The following ABLIM2 variants were observed in gnomAD, a reference collection of about 807,000 sequenced individuals.
ABLIM2 encodes the protein actin-binding LIM protein 2.
Under a neutral mutation model 97.7 loss-of-function variants are expected in ABLIM2, and 53 were observed. The ratio of observed to expected loss-of-function variants is 0.54; its 90% CI spans 0.44 to 0.68. The LOEUF (loss-of-function observed/expected upper bound fraction) is 0.68, where lower values mean the gene tolerates loss of function less well. ABLIM2 is among the 30% of genes least tolerant of loss of function. The pLI is 0.00. For missense variants in ABLIM2, 835 were observed against 867.2 expected (o/e 0.96, Z 0.47); for synonymous variants, 361 against 345.8 (o/e 1.04, Z -0.49).
At position 8,021,148 on chromosome 4, in the gene ABLIM2, A is replaced by C. The variant is rs192097374; in HGVS notation, c.1268-845T>G. 6.6e-6 allele frequency among the ~76,000 whole-genome samples: 1 copy of C among 152,126 alleles called. No individual in the cohort carries two copies. Among genetic ancestry groups the C allele is most frequent in the African/African-American group, 2.4e-5 (1 of 41,494 alleles). On this transcript the variant is annotated intron_variant, in intron 12 of 20. Transcript: ENST00000447017. This position sits in a 1 kb window ranked among gnomAD's most constrained non-coding sequence, Gnocchi z 5.5. The stretch of plus-strand genomic sequence containing the variant: ...TGGGATTACAGGCATGAGCCACCGC[A>C]CCCTGGCCACATTCTTAAATACAAC...
At chr4:8,115,771 GTGGACC>G (rs1842523843) in intron 1 of ABLIM2, among the ~76,000 whole-genome samples, 1 of 152,164 alleles carries the variant, frequency 6.6e-6, no homozygotes, top group Non-Finnish European at 1.5e-5. Flanking sequence ...TTGAACCTGG[GTGGACC>G]TCTGCAACTG....
In ABLIM2 at chr4:8,130,999, T is replaced by C. The variant is rs921667869; in HGVS notation, c.11-24362A>G. ...TCTTGGGGCAGCCTGCATTTCCTGG[T>C]GATGGCAGCATCACTCCAGCCTCTG... On this transcript the variant is annotated intron_variant, in intron 1 of 20. Transcript: ENST00000447017. The surrounding 1 kb of genome is among the most constrained non-coding windows in gnomAD (Gnocchi z 4.2). 6.6e-6 allele frequency among the ~76,000 whole-genome samples: 1 copy of C among 152,124 alleles called. No individual in the cohort carries two copies. The highest frequency in any genetic ancestry group is 1.5e-5 in the Non-Finnish European group (1 of 68,004).
At chr4:7,973,792 C>T (rs1428205804) in intron 20 of ABLIM2, among the ~76,000 whole-genome samples, 1 of 152,232 alleles carries the variant, frequency 6.6e-6, no homozygotes, top group South Asian at 2.1e-4. Context: ...CCCTTTCCAC[C>T]CATCCACCTT....
At chr4:8,017,991 CAAAAA>C (rs57785994) in intron 14 of ABLIM2, among the ~76,000 whole-genome samples, 15 of 81,026 alleles carry the variant, frequency 1.9e-4, no homozygotes. Context: ...GACTCCGTCT[CAAAAA>C]AAAAAAAAAA....
rs935272095 is a variant in ABLIM2 at position 8,033,714 on chromosome 4, G to T, written c.1047+2435C>A. Among the ~76,000 whole-genome samples the T allele has an allele frequency of 6.6e-6, 1 of 152,232 alleles. No homozygotes were observed. The highest frequency in any genetic ancestry group is 6.5e-5 in the Admixed American group (1 of 15,282). On this transcript the variant is annotated intron_variant, in intron 10 of 20. Coordinates refer to ENST00000447017, the MANE Select transcript of ABLIM2 (RefSeq NM_001130083.2). This position sits in a 1 kb window ranked among gnomAD's most constrained non-coding sequence, Gnocchi z 4.5. ...CTCTGCCCTCTGGGGACAGGTCCTGGGGTCAGGATCATCCATGGTTCACAG... is the reference window on the plus strand; with the variant it reads ...CTCTGCCCTCTGGGGACAGGTCCTGTGGTCAGGATCATCCATGGTTCACAG...
chr4:8,096,951 T>G (rs1374791908), intron 3 of ABLIM2, 148 bp downstream of exon 3: 9 of 1,042,226 alleles, frequency 8.6e-6, no homozygotes, highest in African/African-American at 3.3e-5. Flanking sequence ...GACAGAAGGG[T>G]GCAGACTGTG....
intron 1 of ABLIM2, among the ~76,000 whole-genome samples, chr4:8,141,447 A>AG (rs34439952): frequency 4.6e-5 from 7 of 152,258 alleles, no homozygotes; most frequent in Admixed American, 6.5e-5. Context: ...ACAGGCACCC[A>AG]GGGAATGATC....
intron 18 of ABLIM2, 70 bp downstream of exon 18, chr4:7,984,769 A>G: frequency 6.8e-7 from 1 of 1,473,026 alleles, no homozygotes; most frequent in Non-Finnish European, 9.2e-7. Context: ...TGGTTTCAGA[A>G]CAAGTCTTGT....
chr4:8,011,820 G>T (rs1288420655), intron 14 of ABLIM2, among the ~76,000 whole-genome samples: 2 of 152,152 alleles, frequency 1.3e-5, no homozygotes, highest in African/African-American at 2.4e-5. Flanking sequence ...GAAATCTTTG[G>T]TTGGAGGCAT....
intron 11 of ABLIM2, among the ~76,000 whole-genome samples, 152 bp downstream of exon 11, chr4:8,029,504 C>T (rs1779466355): frequency 6.6e-6 from 1 of 151,660 alleles, no homozygotes; most frequent in Non-Finnish European, 1.5e-5. Context: ...TTCTCAGCCA[C>T]CCACCCGCTG....
chr4:8,060,388 C>T (rs1246247785), intron 7 of ABLIM2, among the ~76,000 whole-genome samples: 1 of 152,172 alleles, frequency 6.6e-6, no homozygotes, highest in Non-Finnish European at 1.5e-5. Flanking sequence ...GGGCCATTTC[C>T]CATGGGGCCT....
chr4:8,083,957 G>A lies in ABLIM2; in HGVS notation c.455-3155C>T, dbSNP rs912273523. On this transcript the variant is annotated intron_variant, in intron 4 of 20. Coordinates refer to ENST00000447017, the MANE Select transcript of ABLIM2 (RefSeq NM_001130083.2). The surrounding 1 kb of genome is among the most constrained non-coding windows in gnomAD (Gnocchi z 4.6). ...CTAGGATGTGCCAGGCAGCCTCCTG[G>A]AGCCTCAGCTGGAGCTCAGGGGGTG... 6.6e-6 allele frequency among the ~76,000 whole-genome samples: 1 copy of A among 152,246 alleles called. No homozygotes were observed. The highest frequency in any genetic ancestry group is 1.9e-4 in the East Asian group (1 of 5,166).
rs1726718623 is a variant in ABLIM2 at position 7,970,247 on chromosome 4, AG to A, written c.1825-3145del. On this transcript the variant is annotated intron_variant, in intron 20 of 20. Transcript: ENST00000447017. This position sits in a 1 kb window ranked among gnomAD's most constrained non-coding sequence, Gnocchi z 5.3. ...GGAGGCTGACACCGGAAGGGCGAGG[AG>A]AGTTCAGTGCTGGTGCCTGGGGCAG... Among the ~76,000 whole-genome samples, 1 of 151,998 alleles carries A rather than the reference AG, an allele frequency of 6.6e-6. No individual in the cohort carries two copies. Among genetic ancestry groups the A allele is most frequent in the Admixed American group, 6.6e-5 (1 of 15,260 alleles).
In ABLIM2 at chr4:8,083,662, A is replaced by G. The variant is rs969548858; in HGVS notation, c.455-2860T>C. On this transcript the variant is annotated intron_variant, in intron 4 of 20. Transcript: ENST00000447017. This position sits in a 1 kb window ranked among gnomAD's most constrained non-coding sequence, Gnocchi z 4.6. ...TTTCTAAACACATCCGGAGCTCCAC[A>G]TTGCTTTGCGGGCTCTGCGCATGGC... Among the ~76,000 whole-genome samples, 1 of 152,164 alleles carries G rather than the reference A, an allele frequency of 6.6e-6. No homozygotes were observed. The highest frequency in any genetic ancestry group is 1.5e-5 in the Non-Finnish European group (1 of 68,022).
At chr4:7,983,710 T>C (rs1418804263) in intron 18 of ABLIM2, among the ~76,000 whole-genome samples, 156 bp from the exon 19 acceptor site, 8 of 152,188 alleles carry the variant, frequency 5.3e-5, no homozygotes, top group Non-Finnish European at 1.5e-5. Flanking sequence ...GAGGCCCTAA[T>C]CTCAGAGCTG....
chr4:8,137,286 G>C (rs1342650076), intron 1 of ABLIM2, among the ~76,000 whole-genome samples: 2 of 152,222 alleles, frequency 1.3e-5, no homozygotes, highest in Admixed American at 1.3e-4. Flanking sequence ...AGCTGGGTGA[G>C]ACAGTCCCTG....
Position 7,966,820 on chromosome 4 carries a change from G to A in ABLIM2, c.*170C>T. ...CCGTCTCGGCCCTAAACTACCGGCA[G>A]GAGTGTCGCCGGCAGGTGCAGGGGC... On this transcript the variant is annotated 3_prime_UTR_variant, in exon 21 of 21. Coordinates refer to ENST00000447017, the MANE Select transcript of ABLIM2 (RefSeq NM_001130083.2). 5.1e-6 allele frequency: 3 copies of A among 587,078 alleles called. No homozygotes were observed. The highest frequency in any genetic ancestry group is 3.0e-5 in the Admixed American group (1 of 33,566). 36.4% of individuals were successfully genotyped at this position (587,078 alleles called of 1,614,324 possible).
intron 8 of ABLIM2, among the ~76,000 whole-genome samples, chr4:8,049,786 T>C (rs1008001301): frequency 2.6e-5 from 4 of 152,200 alleles, no homozygotes; most frequent in Non-Finnish European, 5.9e-5. Context: ...TGGAGTGCAG[T>C]GCCATGATCT....
At chr4:8,008,277 T>C in intron 15 of ABLIM2, 77 bp from the exon 16 acceptor site, 1 of 1,400,670 alleles carries the variant, frequency 7.1e-7, no homozygotes, top group Non-Finnish European at 9.9e-7. Context: ...ACCCTTCTTG[T>C]AGCTTCCTTA....
Sources: allele counts gnomAD v4.1 joint callset (sites outside exome capture counted in the v4.1 genomes callset), GRCh38; gene constraint gnomAD v4.1.1; non-coding constraint Gnocchi (gnomAD v3.1); transcripts MANE v1.5; gene names NCBI Gene and HGNC (gene_info 2026-07-23, HGNC 2026-07-21).